Variants in IFT46 observed in about 807,000 individuals in gnomAD.
IFT46 encodes the protein intraflagellar transport 46, also known as intraflagellar transport protein 46 homolog.
A neutral mutation model predicts 39.6 loss-of-function variants in IFT46; 19 were observed. The ratio of observed to expected loss-of-function variants is 0.48; its 90% confidence interval spans 0.33 to 0.70. The LOEUF (loss-of-function observed/expected upper bound fraction) is 0.70. IFT46 is among the 30% of genes least tolerant of loss of function. IFT46 has a pLI of 0.01. For missense variants in IFT46, 334 were observed against 364.8 expected, an observed-to-expected ratio of 0.92 and a Z score of 0.69; for synonymous variants, 117 against 134.8, an observed-to-expected ratio of 0.87 and a Z score of 0.91.
chr11:118,575,283 A>G (rs1938466511), upstream of IFT46, among the ~76,000 whole-genome samples: 1 of 152,072 alleles, frequency 6.6e-6, no homozygotes, highest in Admixed American at 6.6e-5. Flanking sequence ...CGGCCCCTGT[A>G]TTATTTATGT....
intron 11 of IFT46, 61 bp from the exon 12 acceptor site, chr11:118,545,072 C>T (rs1591354809): frequency 8.4e-7 from 1 of 1,196,160 alleles, no homozygotes; most frequent in East Asian, 2.5e-5. Context: ...TATATTTTAA[C>T]AAGAATTAAT....
At chr11:118,555,387 T>G (rs1591365875) in intron 4 of IFT46, 65 bp from the exon 5 acceptor site, 2 of 1,200,466 alleles carry the variant, frequency 1.7e-6, no homozygotes, top group East Asian at 4.7e-5. Context: ...GGGTCCTAGG[T>G]GCTGGTGTGT....
Position 118,555,250 on chromosome 11 carries a change from A to G in IFT46, c.258T>C (p.Ser86=). The G allele has an allele frequency of 6.2e-7, 1 of 1,612,850 alleles. No individual in the cohort carries two copies. The highest frequency in any genetic ancestry group is 8.5e-7 in the Non-Finnish European group (1 of 1,178,844). ...AEIKELFQYI[S]RYTPQLIDLD... ...TGGTGGGAGGTCCTAGTACTCACCT[A>G]CTGATGTACTGGAAGAGTTCCTTAA... The change falls in exon 5 of 12, where the codon AGT becomes AGC. Residue 86 remains serine (S), a splice_region_variant and synonymous_variant. Transcript: ENST00000264021.
chr11:118,575,574 T>C (rs1555073384), upstream of IFT46, among the ~76,000 whole-genome samples: 2 of 152,204 alleles, frequency 1.3e-5, 1 homozygote, highest in African/African-American at 4.8e-5. Flanking sequence ...ATTTTATCTA[T>C]AATAGCTTCA....
At chr11:118,551,044 A>AC (rs1445047182) in intron 9 of IFT46, among the ~76,000 whole-genome samples, 1 of 146,660 alleles carries the variant, frequency 6.8e-6, no homozygotes, top group Non-Finnish European at 1.5e-5. Context: ...AAAAAAAAAA[A>AC]AACTATCTTT....
chr11:118,556,582 C>T (rs1937843227), intron 4 of IFT46, among the ~76,000 whole-genome samples: 1 of 152,186 alleles, frequency 6.6e-6, no homozygotes, highest in African/African-American at 2.4e-5. Context: ...CCTCCTACCT[C>T]AGCCTCCCAA....
At chr11:118,562,479 A>T (rs1938092841) in intron 2 of IFT46, among the ~76,000 whole-genome samples, 1 of 152,166 alleles carries the variant, frequency 6.6e-6, no homozygotes, top group African/African-American at 2.4e-5. Context: ...GTATAATTAG[A>T]TGTAAGGCAT....
rs1937977386 is a variant in IFT46, at chr11:118,559,881, T to C, written c.-35-17A>G. 2.2e-6 allele frequency: 3 copies of C among 1,390,222 alleles called. No homozygotes were observed. Among genetic ancestry groups the C allele is most frequent in the Admixed American group, 3.5e-5 (2 of 56,670 alleles). The allele number at this position is 1,390,222 out of a possible 1,614,324, so 86.1% of individuals were successfully genotyped here. A position where few individuals can be genotyped will look rare whatever the true frequency, so the allele number is the denominator to read the frequency against. Reference sequence around the variant, plus strand: ...GAGGAAGTCCTTAGAAAAAAAGTTTTTCCTTTAGATTATTGTTAAAATGAT... The same window carrying C: ...GAGGAAGTCCTTAGAAAAAAAGTTTCTCCTTTAGATTATTGTTAAAATGAT... On this transcript the variant is annotated splice_polypyrimidine_tract_variant and intron_variant, in intron 2 of 11. Transcript: ENST00000264021.
intron 7 of IFT46, among the ~76,000 whole-genome samples, chr11:118,553,808 G>T (rs1555068912): frequency 1.3e-5 from 2 of 152,146 alleles, no homozygotes; most frequent in African/African-American, 4.8e-5. Context: ...CATAACAAAG[G>T]AATGAAATAA....
intron 2 of IFT46, among the ~76,000 whole-genome samples, chr11:118,563,480 T>C (rs146540943): frequency 6.6e-6 from 1 of 152,328 alleles, no homozygotes; most frequent in African/African-American, 2.4e-5. Context: ...ATGTCATCCT[T>C]GATTCCTAAC....
At position 118,556,884 on chromosome 11, in the gene IFT46, G is replaced by C. The variant is rs1591367083; in HGVS notation, c.185+22C>G. ...AGGAGGTATTCTGAAGAGCACCCTT[G>C]GCTTGGGTGTTCTTTCCTCACCCTT... On this transcript the variant is annotated intron_variant, in intron 4 of 11. Coordinates refer to ENST00000264021, the MANE Select transcript of IFT46 (RefSeq NM_001168618.2). 4 of 1,556,480 alleles carry C rather than the reference G, an allele frequency of 2.6e-6. No homozygotes were observed. In the Admixed American group the frequency reaches 7.4e-5, roughly 29 times the overall value.
intron 4 of IFT46, chr11:118,555,654 G>T (rs983236571): frequency 8.6e-6 from 2 of 233,272 alleles, no homozygotes; most frequent in Non-Finnish European, 1.7e-5. Flanking sequence ...GGGCGTGGTG[G>T]CTCACACCTG....
rs781877121 is a variant in IFT46, at chr11:118,554,507, C to T, written c.435G>A (p.Thr145=). 27 of 1,613,326 alleles carry T rather than the reference C, an allele frequency of 1.7e-5. 1 individual carries two copies. Among genetic ancestry groups the T allele is most frequent in the South Asian group, 9.9e-5 (9 of 90,958 alleles). ...DEPSTKQSDP[T]VLSLWLTENS... is the part of the protein sequence containing the mutation. ...TCTCTGTTAACCAGAGTGAGAGCAC[C>T]GTAGGGTCTGACTGCTTTGTAGAAG... Residue 145 remains threonine (T), a synonymous_variant, in exon 7 of 12, where the codon ACG becomes ACA. Coordinates refer to ENST00000264021, the MANE Select transcript of IFT46 (RefSeq NM_001168618.2).
upstream of IFT46, among the ~76,000 whole-genome samples, chr11:118,575,555 T>G (rs1253900174): frequency 2.6e-5 from 4 of 152,172 alleles, no homozygotes; most frequent in Admixed American, 2.0e-4. Context: ...TATTGTAATC[T>G]TCTCTCTGAT....
At chr11:118,559,520 G>A (rs782045274) in intron 3 of IFT46, among the ~76,000 whole-genome samples, 1 of 152,164 alleles carries the variant, frequency 6.6e-6, no homozygotes, top group Non-Finnish European at 1.5e-5. Flanking sequence ...TACCTCAGTT[G>A]AGTATTATGA....
intron 9 of IFT46, 140 bp from the exon 10 acceptor site, chr11:118,545,993 T>A: frequency 1.4e-6 from 1 of 738,694 alleles, no homozygotes; most frequent in Non-Finnish European, 2.5e-6. Context: ...ATTCAGATAT[T>A]GAGTTCCTAA....
intron 3 of IFT46, among the ~76,000 whole-genome samples, chr11:118,558,667 G>T (rs1240790814): frequency 1.3e-5 from 2 of 151,844 alleles, no homozygotes; most frequent in African/African-American, 2.4e-5. Flanking sequence ...TGTAATCCCA[G>T]CACTTTGGAA....
rs782729078 is a variant in IFT46, at chr11:118,545,497, G to GA, written c.734-4dup. 18 of 1,610,270 alleles carry GA rather than the reference G, an allele frequency of 1.1e-5. No homozygotes were observed. The highest frequency in any genetic ancestry group is 1.1e-5 in the Non-Finnish European group (13 of 1,176,758). ...GTAGACAGGGATGTCTAGAATGGCT[G>GA]AAACGAAGAAGAACTTCCAGGAACA... is the stretch of plus-strand genomic sequence containing the variant. On this transcript the variant is annotated splice_polypyrimidine_tract_variant and splice_region_variant and intron_variant, in intron 10 of 11. Transcript: ENST00000264021.
At chr11:118,545,326 G>A in intron 11 of IFT46, 83 bp downstream of exon 11, 1 of 1,007,316 alleles carries the variant, frequency 9.9e-7, no homozygotes, top group South Asian at 1.4e-5. Context: ...ATCGCTATAG[G>A]ATGCAATCAC....
Sources: gnomAD v4.1 joint callset for allele counts (sites outside exome capture counted in the v4.1 genomes callset) on GRCh38, gnomAD v4.1.1 for gene constraint, MANE v1.5 for transcripts, NCBI Gene and HGNC (gene_info 2026-07-23, HGNC 2026-07-21) for gene names.